Variants in CFI observed in about 807,000 individuals in gnomAD.
CFI encodes the protein C3B/C4B inactivator.
CFI carries 66 observed loss-of-function variants against 78.8 expected under a neutral mutation model. That is an observed-to-expected ratio of 0.84 (90% CI 0.69 to 1.03). The LOEUF is 1.03. Ranked by LOEUF, CFI falls within the 50% of genes least tolerant of loss-of-function variation. The pLI, the probability that CFI is intolerant of heterozygous loss-of-function variation, is 0.00. For synonymous variants in CFI, 250 were observed against 232.6 expected, an observed-to-expected ratio of 1.07 and a Z score of -0.68; for missense variants, 706 against 704.5, an observed-to-expected ratio of 1.00 and a Z score of -0.02.
chr4:109,757,683 G>T, intron 7 of CFI, 80 bp downstream of exon 7: 1 of 935,150 alleles, frequency 1.1e-6, no homozygotes, highest in Non-Finnish European at 1.7e-6. Context: ...TCCATTAACA[G>T]TTACATTAAA....
intron 1 of CFI, among the ~76,000 whole-genome samples, chr4:109,778,249 G>C (rs1729539350): frequency 6.6e-6 from 1 of 151,880 alleles, no homozygotes; most frequent in Non-Finnish European, 1.5e-5. Flanking sequence ...GACTAATAAA[G>C]AAGAAAAGAG....
intron 2 of CFI, among the ~76,000 whole-genome samples, chr4:109,764,920 T>C (rs1285135457): frequency 1.3e-5 from 2 of 152,210 alleles, no homozygotes; most frequent in East Asian, 3.8e-4. Flanking sequence ...CCTATGAGGA[T>C]AAAGCCTATT....
At position 109,773,473 on chromosome 4, in the gene CFI, G is replaced by A. The variant is rs182638875; in HGVS notation, c.58-6649C>T. Among the ~76,000 whole-genome samples, 812 of 152,234 alleles carry A rather than the reference G, an allele frequency of 5.3e-3. 7 individuals are homozygous for A. The highest frequency in any genetic ancestry group is 0.019 in the African/African-American group (778 of 41,526). On this transcript the variant is annotated intron_variant, in intron 1 of 12. Transcript: ENST00000394634. ...AGAGGTTGCAGTGAGCCGAGATCGC[G>A]CCACTGCACTCCAGCCTGGCGACAG...
chr4:109,766,872 C>G, intron 1 of CFI, 48 bp from the exon 2 acceptor site: 1 of 1,593,750 alleles, frequency 6.3e-7, no homozygotes, highest in Non-Finnish European at 8.6e-7. Flanking sequence ...TTAAAGACTC[C>G]TGTTTGAAGA....
intron 1 of CFI, among the ~76,000 whole-genome samples, chr4:109,780,823 AT>A (rs1407747250): frequency 1.3e-5 from 2 of 152,252 alleles, no homozygotes; most frequent in Non-Finnish European, 2.9e-5. Flanking sequence ...AGCCATAAAA[AT>A]TGATGAGTTC....
intron 1 of CFI, among the ~76,000 whole-genome samples, chr4:109,796,104 G>T (rs992995339): frequency 6.6e-6 from 1 of 152,070 alleles, no homozygotes; most frequent in Admixed American, 6.5e-5. Flanking sequence ...TTGAAAGAAC[G>T]AGAAAAGCAA....
intron 8 of CFI, among the ~76,000 whole-genome samples, chr4:109,751,625 G>A (rs1388027236): frequency 6.6e-6 from 1 of 151,900 alleles, no homozygotes; most frequent in Non-Finnish European, 1.5e-5. Context: ...TATTTTTGTA[G>A]AGATGGGGTT....
intron 1 of CFI, among the ~76,000 whole-genome samples, chr4:109,768,487 G>T (rs180713136): frequency 5.3e-5 from 8 of 152,164 alleles, no homozygotes; most frequent in Admixed American, 4.6e-4. Context: ...TATTTTGCAA[G>T]ATTAGAAATA....
chr4:109,782,976 T>C (rs12508249), intron 1 of CFI, among the ~76,000 whole-genome samples: 35,229 of 152,014 alleles, frequency 0.23, 4,721 homozygotes, highest in Admixed American at 0.35. Context: ...GCTAGCCACA[T>C]GTAGGAGAAT....
chr4:109,767,772 C>G (rs1294105965), intron 1 of CFI, among the ~76,000 whole-genome samples: 5 of 151,684 alleles, frequency 3.3e-5, no homozygotes, highest in Admixed American at 2.0e-4. Context: ...CCCAGCCATC[C>G]CATTACTGGG....
chr4:109,797,777 A>G (rs928098073), intron 1 of CFI, among the ~76,000 whole-genome samples: 2 of 152,246 alleles, frequency 1.3e-5, no homozygotes, highest in African/African-American at 4.8e-5. Context: ...ATTTCTTCAA[A>G]TAAGATATGT....
At chr4:109,777,743 C>T (rs1297835492) in intron 1 of CFI, among the ~76,000 whole-genome samples, 1 of 152,160 alleles carries the variant, frequency 6.6e-6, no homozygotes, top group Non-Finnish European at 1.5e-5. Context: ...TAAAGCACTC[C>T]TCAGCAAATG....
rs536496979 is a variant in CFI, at chr4:109,790,508, G to A, written c.57+11407C>T. Among the ~76,000 whole-genome samples the A allele has an allele frequency of 3.9e-5, 6 of 152,128 alleles. No individual in the cohort carries two copies. The South Asian group carries it at 6.2e-4, about 16-fold the overall frequency. On this transcript the variant is annotated intron_variant, in intron 1 of 12. Transcript: ENST00000394634. Reference sequence around the variant, plus strand: ...ATGTAGGTAAACTCGTGTCATGGGGGTTTGTTGTACAGATTATTGTATCAC... The same window carrying A: ...ATGTAGGTAAACTCGTGTCATGGGGATTTGTTGTACAGATTATTGTATCAC...
At chr4:109,798,991 A>G (rs1732417129) in intron 1 of CFI, among the ~76,000 whole-genome samples, 1 of 152,060 alleles carries the variant, frequency 6.6e-6, no homozygotes, top group African/African-American at 2.4e-5. Flanking sequence ...TCACTCATCC[A>G]GGCCATTTGC....
intron 10 of CFI, among the ~76,000 whole-genome samples, chr4:109,746,715 T>C (rs1724508695): frequency 6.6e-6 from 1 of 152,204 alleles, no homozygotes; most frequent in African/African-American, 2.4e-5. Context: ...TCCATGTAAC[T>C]GCTCAATATG....
intron 1 of CFI, among the ~76,000 whole-genome samples, chr4:109,772,627 G>A (rs571130447): frequency 2.0e-4 from 30 of 151,010 alleles, no homozygotes; most frequent in Admixed American, 1.9e-3. Context: ...TGCCTAAGCT[G>A]GAGTGCAGTG....
chr4:109,756,905 G>T (rs1171723333), intron 7 of CFI, among the ~76,000 whole-genome samples: 4 of 56,398 alleles, frequency 7.1e-5, no homozygotes, highest in African/African-American at 2.6e-4. Context: ...AAGAAAGAAA[G>T]AAAGAAAGAA....
chr4:109,747,058 A>G (rs1724565425), intron 10 of CFI, among the ~76,000 whole-genome samples: 1 of 152,232 alleles, frequency 6.6e-6, no homozygotes, highest in Non-Finnish European at 1.5e-5. Context: ...TCATCTGTGC[A>G]GCCCTGGTGC....
chr4:109,756,290 A>C (rs932804555), intron 7 of CFI, among the ~76,000 whole-genome samples: 18 of 119,632 alleles, frequency 1.5e-4, no homozygotes, highest in Non-Finnish European at 2.7e-4. Flanking sequence ...CTGAGATCTG[A>C]AACTAGGGAG....
Sources: gnomAD v4.1 joint callset for allele counts (sites outside exome capture counted in the v4.1 genomes callset) on GRCh38, gnomAD v4.1.1 for gene constraint, MANE v1.5 for transcripts, NCBI Gene and HGNC (gene_info 2026-07-23, HGNC 2026-07-21) for gene names.